ZFHX3: variants seen among roughly 807,000 people sequenced by gnomAD.
ZFHX3 encodes the protein zinc finger homeobox protein 3.
Under a neutral mutation model 279.1 loss-of-function variants are expected in ZFHX3, and 42 were observed. The observed-to-expected ratio is 0.15, with a 90% CI of 0.12 to 0.19. ZFHX3 has a LOEUF of 0.19. Ranked by LOEUF, ZFHX3 falls within the 10% of genes least tolerant of loss-of-function variation. The pLI is 1.00. For synonymous variants in ZFHX3, 2,293 were observed against 1,957.8 expected (o/e 1.17, Z -4.52); for missense variants, 4,981 against 4,754.0 (o/e 1.05, Z -1.40).
chr16:73,007,692 G>A (rs535006046), intron 1 of ZFHX3, among the ~76,000 whole-genome samples: 3 of 152,100 alleles, frequency 2.0e-5, no homozygotes, highest in South Asian at 2.1e-4. Context: ...TGATCCACCC[G>A]CCGCGGCCTC....
At chr16:73,572,259 C>T (rs961586506) in intron 2 of ZFHX3, among the ~76,000 whole-genome samples, 1 of 151,054 alleles carries the variant, frequency 6.6e-6, no homozygotes. Flanking sequence ...CAACATTCTT[C>T]GGGTGGTTTG....
chr16:73,879,889 G>A (rs1376720021), intron 1 of ZFHX3, among the ~76,000 whole-genome samples: 1 of 151,982 alleles, frequency 6.6e-6, no homozygotes, highest in East Asian at 1.9e-4. Flanking sequence ...TGTCCCCTGG[G>A]GAAGGAGGGG....
At chr16:73,493,163 C>A (rs558141936) in intron 2 of ZFHX3, among the ~76,000 whole-genome samples, 26 of 152,044 alleles carry the variant, frequency 1.7e-4, no homozygotes, top group Non-Finnish European at 3.7e-4. Flanking sequence ...CTTGTGTCAC[C>A]TATTTTTTGC....
At chr16:72,847,550 C>G (rs922622834) in intron 4 of ZFHX3, among the ~76,000 whole-genome samples, 8 of 151,992 alleles carry the variant, frequency 5.3e-5, no homozygotes, top group South Asian at 4.2e-4. Context: ...CGGAGCACCC[C>G]CAGGGCAGCT....
intron 3 of ZFHX3, among the ~76,000 whole-genome samples, chr16:73,453,157 T>C (rs755225396): frequency 6.6e-6 from 1 of 152,002 alleles, no homozygotes; most frequent in Non-Finnish European, 1.5e-5. Context: ...ATAGGTACAA[T>C]AAATGTGTGT....
intron 7 of ZFHX3, among the ~76,000 whole-genome samples, chr16:73,103,730 A>G (rs905267788): frequency 1.3e-5 from 2 of 152,162 alleles, no homozygotes; most frequent in South Asian, 2.1e-4. Flanking sequence ...AAGTCACCCA[A>G]TGATTGTGGC....
At chr16:73,470,194 C>T (rs750123339) in intron 2 of ZFHX3, among the ~76,000 whole-genome samples, 23 of 152,298 alleles carry the variant, frequency 1.5e-4, no homozygotes, top group East Asian at 1.9e-4. Flanking sequence ...GCGAGTTTGA[C>T]GCTTTCATTT....
intron 2 of ZFHX3, among the ~76,000 whole-genome samples, chr16:73,550,446 C>A (rs1323019296): frequency 6.6e-6 from 1 of 152,172 alleles, no homozygotes; most frequent in Non-Finnish European, 1.5e-5. Flanking sequence ...TTGGAGAACG[C>A]CCGCCGTCCC....
At position 72,794,025 on chromosome 16, in the gene ZFHX3, T is replaced by C; in HGVS notation, c.8657A>G (p.Tyr2886Cys). The change falls in exon 9 of 10, where the codon TAT becomes TGT. Residue 2886 changes from tyrosine (Y) to cysteine (C), a missense_variant. Tyr to Cys is a radical substitution (Grantham distance 194). This residue lies in a region of ZFHX3 where 744 missense variants were observed against 701.3 expected (regional missense o/e 1.06). Transcript: ENST00000268489. This position sits in a 1 kb window ranked among gnomAD's most constrained non-coding sequence, Gnocchi z 4.2. Reference sequence around the variant, plus strand: ...CAGACCAGATGACAACCGATCTTCATACTCAGACATTGCCATCATGGCCGC... The same window carrying C: ...CAGACCAGATGACAACCGATCTTCACACTCAGACATTGCCATCATGGCCGC... ...TKAAMMAMSE[Y>C]EDRLSSGLVS... The C allele has an allele frequency of 1.2e-6, 2 of 1,614,230 alleles. No individual in the cohort carries two copies. The highest frequency in any genetic ancestry group is 1.7e-6 in the Non-Finnish European group (2 of 1,180,042).
At chr16:73,813,184 C>A (rs1375492083) in intron 1 of ZFHX3, among the ~76,000 whole-genome samples, 1 of 152,098 alleles carries the variant, frequency 6.6e-6, no homozygotes, top group Admixed American at 6.6e-5. Context: ...TCTGTCTTCT[C>A]TCTCCTCATC....
At chr16:73,328,630 T>G (rs1332602114) in intron 3 of ZFHX3, among the ~76,000 whole-genome samples, 1 of 152,172 alleles carries the variant, frequency 6.6e-6, no homozygotes, top group African/African-American at 2.4e-5. Context: ...CAGAGTTCTC[T>G]CTCAGCTATT....
chr16:73,619,526 A>ATATATAT (rs2052338157), intron 2 of ZFHX3, among the ~76,000 whole-genome samples: 1 of 149,200 alleles, frequency 6.7e-6, no homozygotes, highest in African/African-American at 2.5e-5. Context: ...ATATGTCTGT[A>ATATATAT]AGCTATCAGC....
chr16:73,337,464 A>T (rs933487206), intron 3 of ZFHX3, among the ~76,000 whole-genome samples: 37 of 152,130 alleles, frequency 2.4e-4, no homozygotes, highest in Admixed American at 2.6e-4. Flanking sequence ...TACTGCTTCC[A>T]GGCTACTGTT....
chr16:73,586,169 A>T (rs553454890), intron 2 of ZFHX3, among the ~76,000 whole-genome samples: 2 of 152,116 alleles, frequency 1.3e-5, no homozygotes, highest in Non-Finnish European at 2.9e-5. Flanking sequence ...CAGGAGGATC[A>T]CCTGAGGTCA....
intron 3 of ZFHX3, among the ~76,000 whole-genome samples, chr16:72,916,134 T>C (rs1772094927): frequency 6.6e-6 from 1 of 152,218 alleles, no homozygotes; most frequent in Non-Finnish European, 1.5e-5. Flanking sequence ...GTGAATCACT[T>C]ACAGAGCAAG....
Position 73,863,869 on chromosome 16 carries a change from T to C in ZFHX3, c.-1608+27782A>G, listed in dbSNP as rs1450140698. 5.3e-5 allele frequency among the ~76,000 whole-genome samples: 8 copies of C among 152,346 alleles called. No homozygotes were observed. In the East Asian group the frequency reaches 1.5e-3, roughly 29 times the overall value. ...TCTTTTCACAGTCATAATTTTTTAC[T>C]AGTTACTGAATTCTGCTTAATATGC... On this transcript the variant is annotated intron_variant, in intron 1 of 17. Coordinates refer to the ZFHX3 transcript ENST00000641206.
chr16:73,807,715 C>T (rs1960317879), intron 1 of ZFHX3, among the ~76,000 whole-genome samples: 1 of 149,862 alleles, frequency 6.7e-6, no homozygotes, highest in Non-Finnish European at 1.5e-5. Flanking sequence ...AAGCAATCCA[C>T]CCACATCAGC....
At chr16:72,878,186 GAAAACA>G (rs966129770) in intron 4 of ZFHX3, among the ~76,000 whole-genome samples, 8 of 151,836 alleles carry the variant, frequency 5.3e-5, no homozygotes, top group African/African-American at 9.7e-5. Context: ...TACAAAAAAA[GAAAACA>G]AAAACAAAAA....
chr16:72,977,036 TG>T (rs1483787083), intron 1 of ZFHX3, among the ~76,000 whole-genome samples: 1 of 152,174 alleles, frequency 6.6e-6, no homozygotes, highest in African/African-American at 2.4e-5. Context: ...ATCCCACAAA[TG>T]GTGATGAGAA....
Sources: allele counts gnomAD v4.1 joint callset (sites outside exome capture counted in the v4.1 genomes callset), GRCh38; gene constraint gnomAD v4.1.1; regional missense constraint gnomAD v4.1.1; non-coding constraint Gnocchi (gnomAD v3.1); transcripts MANE v1.5; gene names NCBI Gene and HGNC (gene_info 2026-07-23, HGNC 2026-07-21).